Variants in PBRM1 observed in about 807,000 individuals in gnomAD.
The protein encoded by PBRM1 is protein polybromo-1.
A neutral mutation model predicts 194.5 loss-of-function variants in PBRM1; 27 were observed. The observed-to-expected ratio is 0.14, with a 90% CI of 0.10 to 0.19. The LOEUF is 0.19. Among genes scored for constraint, PBRM1 ranks in the 10% least tolerant of loss-of-function variants. The pLI is 1.00. For synonymous variants in PBRM1, 655 were observed against 693.2 expected (o/e 0.94, Z 0.87); for missense variants, 1,466 against 2,077.2 (o/e 0.71, Z 5.72).
chr3:52,617,224 C>T (rs1198109493), intron 14 of PBRM1, 38 bp downstream of exon 16: 4 of 1,580,944 alleles, frequency 2.5e-6, no homozygotes, highest in Non-Finnish European at 2.6e-6. Flanking sequence ...CCCTCTCCCG[C>T]AAAATGTGCC....
At chr3:52,612,551 ATGAG>A (rs1303765748) in intron 15 of PBRM1, among the ~76,000 whole-genome samples, 1 of 152,170 alleles carries the variant, frequency 6.6e-6, no homozygotes, top group Non-Finnish European at 1.5e-5. Context: ...GATTTCTTCA[ATGAG>A]TTACTGGCAT....
At chr3:52,564,678 T>C (rs2153532052) in intron 22 of PBRM1, among the ~76,000 whole-genome samples, 1 of 151,608 alleles carries the variant, frequency 6.6e-6, no homozygotes, top group East Asian at 1.9e-4. Flanking sequence ...TATAATACAA[T>C]ATGTATTGGC....
chr3:52,631,258 C>T (rs1252334327), intron 11 of PBRM1, among the ~76,000 whole-genome samples: 1 of 151,786 alleles, frequency 6.6e-6, no homozygotes, highest in Non-Finnish European at 1.5e-5. Context: ...ATTGCTTGAG[C>T]TCAGGAGTTT....
chr3:52,563,988 T>C (rs954824670), intron 23 of PBRM1, 62 bp downstream of exon 25: 50 of 1,036,984 alleles, frequency 4.8e-5, no homozygotes, highest in Non-Finnish European at 6.5e-5. Context: ...AACACTGGAC[T>C]ACACTATGTT....
At position 52,597,902 on chromosome 3, in the gene PBRM1, C is replaced by A. The variant is rs895905640; in HGVS notation, c.2779+5619G>T. ...TATTTTTAGTCGAGACAGGGTTTCA[C>A]CATGTTGGTCAGGCTGGTCTCGAAC... On this transcript the variant is annotated intron_variant, in intron 17 of 29. Transcript: ENST00000296302. Among the ~76,000 whole-genome samples the A allele has an allele frequency of 2.2e-4, 34 of 152,310 alleles. 1 individual carries two copies. Among genetic ancestry groups the A allele is most frequent in the Admixed American group, 2.2e-3 (34 of 15,302 alleles).
intron 10 of PBRM1, among the ~76,000 whole-genome samples, chr3:52,639,135 C>T (rs765740722): frequency 2.3e-4 from 35 of 151,968 alleles, no homozygotes; most frequent in Non-Finnish European, 4.6e-4. Flanking sequence ...CAGGCATGTG[C>T]CACTATATGT....
chr3:52,612,846 T>C (rs990016308), intron 15 of PBRM1, among the ~76,000 whole-genome samples: 1 of 146,884 alleles, frequency 6.8e-6, no homozygotes, highest in African/African-American at 2.5e-5. Flanking sequence ...ACGGAGTCTG[T>C]AGTGAGCCGA....
intron 3 of PBRM1, among the ~76,000 whole-genome samples, chr3:52,665,045 A>G (rs1450521982): frequency 6.6e-6 from 1 of 152,200 alleles, no homozygotes; most frequent in Admixed American, 6.5e-5. Flanking sequence ...AAGACAGATA[A>G]CCTTTAAAGG....
chr3:52,576,708 G>GAAAATATAT lies in PBRM1; in HGVS notation c.3534-19_3534-11dup, dbSNP rs140658356. The GAAAATATAT allele has an allele frequency of 3.1e-4, 488 of 1,577,632 alleles. 7 individuals are homozygous for GAAAATATAT. In the East Asian group the frequency reaches 0.011, roughly 35 times the overall value. ...CCATACTTTTTCAATTCTTGGGGAG[G>GAAAATATAT]AAAATATATAAATTACATTAAAATA... On this transcript the variant is annotated splice_polypyrimidine_tract_variant and intron_variant, in intron 21 of 29. Coordinates refer to ENST00000296302, the Ensembl canonical transcript of PBRM1.
chr3:52,568,798 T>C (rs1004555961), intron 22 of PBRM1, among the ~76,000 whole-genome samples: 2 of 152,240 alleles, frequency 1.3e-5, no homozygotes, highest in African/African-American at 2.4e-5. Context: ...TCATATATCA[T>C]ATAGTTTTAA....
rs1272746494 is a variant in PBRM1, at chr3:52,564,028, C to T, written c.3875+22G>A. ...TCAGTTAATGGAAGTGCTCTTTTTTCCTTAAGTTTTTCAAGCTTTACCTGA... is the reference window on the plus strand; with the variant it reads ...TCAGTTAATGGAAGTGCTCTTTTTTTCTTAAGTTTTTCAAGCTTTACCTGA... On this transcript the variant is annotated intron_variant, in intron 23 of 29. Transcript: ENST00000296302. 55 of 1,562,952 alleles carry T rather than the reference C, an allele frequency of 3.5e-5. No homozygotes were observed. In the Admixed American group the frequency reaches 3.6e-4, roughly 10 times the overall value.
At chr3:52,667,783 G>C (rs2096869727) in intron 3 of PBRM1, among the ~76,000 whole-genome samples, 1 of 150,626 alleles carries the variant, frequency 6.6e-6, no homozygotes. Flanking sequence ...TCTAAAGCCA[G>C]GAGTGGTGGC....
chr3:52,605,446 C>T (rs1028278317), intron 16 of PBRM1, among the ~76,000 whole-genome samples: 2 of 152,172 alleles, frequency 1.3e-5, no homozygotes, highest in Non-Finnish European at 2.9e-5. Context: ...ACATTCTGGT[C>T]AGAGGAGTGT....
At chr3:52,597,333 G>A (rs2093646248) in intron 17 of PBRM1, among the ~76,000 whole-genome samples, 1 of 152,154 alleles carries the variant, frequency 6.6e-6, no homozygotes, top group South Asian at 2.1e-4. Context: ...CCTGTGGGGA[G>A]GACAATTGGT....
At chr3:52,683,939 G>A (rs768527098), upstream of PBRM1, among the ~76,000 whole-genome samples, 1 of 127,286 alleles carries the variant, frequency 7.9e-6, no homozygotes, top group Admixed American at 8.5e-5. Context: ...GAGAGGCTGA[G>A]GCAGGATGAC....
At chr3:52,603,631 G>A in exon 17 of PBRM1, 1 of 1,613,524 alleles carries the variant, frequency 6.2e-7, no homozygotes, top group Non-Finnish European at 8.5e-7. Context: ...ATAGCTGAGT[G>A]CCGGTGAAAG....
intron 13 of PBRM1, among the ~76,000 whole-genome samples, chr3:52,624,528 C>G (rs1308463058): frequency 6.6e-6 from 1 of 152,132 alleles, no homozygotes; most frequent in African/African-American, 2.4e-5. Context: ...GATTTTGATC[C>G]CTCCACCACC....
chr3:52,649,873 A>G (rs2096440684), intron 6 of PBRM1, among the ~76,000 whole-genome samples: 1 of 152,176 alleles, frequency 6.6e-6, no homozygotes, highest in Non-Finnish European at 1.5e-5. Flanking sequence ...GGTGACTCTG[A>G]GACTTTTGGA....
At chr3:52,554,987 A>C in intron 26 of PBRM1, 108 bp from the exon 29 acceptor site, 1 of 774,000 alleles carries the variant, frequency 1.3e-6, no homozygotes, top group Non-Finnish European at 2.1e-6. Flanking sequence ...CACCCTTAGT[A>C]CTGCATGATA....
Sources: allele counts gnomAD v4.1 joint callset (sites outside exome capture counted in the v4.1 genomes callset), GRCh38; gene constraint gnomAD v4.1.1; transcripts MANE v1.5; gene names NCBI Gene and HGNC (gene_info 2026-07-23, HGNC 2026-07-21).